EFCAB6: variants seen among roughly 807,000 people sequenced by gnomAD.
The protein encoded by EFCAB6 is EF-hand calcium binding domain 6, also known as EF-hand calcium-binding domain-containing protein 6.
A neutral mutation model predicts 169.8 loss-of-function variants in EFCAB6; 156 were observed. That is an observed-to-expected ratio of 0.92 (90% CI 0.81 to 1.05). The LOEUF is 1.05. Among genes scored for constraint, EFCAB6 ranks in the 50% least tolerant of loss-of-function variants. The pLI, the probability that EFCAB6 is intolerant of heterozygous loss-of-function variation, is 0.00. For missense variants in EFCAB6, 1,800 were observed against 1,829.1 expected, an observed-to-expected ratio of 0.98 and a Z score of 0.29; for synonymous variants, 698 against 676.4, an observed-to-expected ratio of 1.03 and a Z score of -0.50.
At chr22:43,600,380 A>T (rs775154835) in intron 22 of EFCAB6, 117 bp from the exon 23 acceptor site, 2 of 1,061,664 alleles carry the variant, frequency 1.9e-6, no homozygotes, top group Non-Finnish European at 2.7e-6. Flanking sequence ...ATCCCTCACC[A>T]CTCGGAGCAT....
intron 25 of EFCAB6, among the ~76,000 whole-genome samples, chr22:43,578,496 A>G (rs749811921): frequency 1.5e-4 from 23 of 152,036 alleles, no homozygotes; most frequent in Non-Finnish European, 2.8e-4. Flanking sequence ...TGCCCTCTGC[A>G]GAAAGCATCT....
intron 10 of EFCAB6, among the ~76,000 whole-genome samples, chr22:43,700,054 T>C (rs2058711577): frequency 6.6e-6 from 1 of 152,218 alleles, no homozygotes; most frequent in African/African-American, 2.4e-5. Flanking sequence ...TTTTAACAGA[T>C]TTATTTTATA....
At chr22:43,772,576 G>C (rs1216230499) in intron 4 of EFCAB6, among the ~76,000 whole-genome samples, 10 of 150,944 alleles carry the variant, frequency 6.6e-5, no homozygotes, top group Admixed American at 4.6e-4. Flanking sequence ...GGGAGGCGGA[G>C]GTTGCGGTGA....
At chr22:43,762,845 C>T (rs1399622216) in intron 5 of EFCAB6, among the ~76,000 whole-genome samples, 1 of 152,192 alleles carries the variant, frequency 6.6e-6, no homozygotes, top group Admixed American at 6.5e-5. Context: ...ACTGTCCACC[C>T]AAGAACTTTA....
At position 43,670,228 on chromosome 22, in the gene EFCAB6, A is replaced by G. The variant is rs187858491; in HGVS notation, c.1641-1183T>C. 2.0e-5 allele frequency among the ~76,000 whole-genome samples: 3 copies of G among 152,344 alleles called. No homozygotes were observed. The East Asian group carries it at 5.8e-4, about 29-fold the overall frequency. On this transcript the variant is annotated intron_variant, in intron 15 of 31. Coordinates refer to ENST00000262726, the MANE Select transcript of EFCAB6 (RefSeq NM_022785.4). ...GCACAGCAAGTACACTTGTTTCTGC[A>G]ATGACACTTTAAAAATGTCTCAGTT... is the stretch of plus-strand genomic sequence containing the variant.
intron 5 of EFCAB6, among the ~76,000 whole-genome samples, chr22:43,764,439 T>C (rs182781104): frequency 5.6e-4 from 85 of 152,350 alleles, no homozygotes; most frequent in African/African-American, 2.0e-3. Flanking sequence ...AATCCACCAT[T>C]GGTAGGCACC....
In EFCAB6 at chr22:43,773,042, T is replaced by C. The variant is rs1384712400; in HGVS notation, c.201A>G (p.Lys67=). ...SLDVKRILFQ[K]ITDRGDELQK... ...GCAACTCATCCCCTCTGTCGGTAAT[T>C]TTTTGAAATAAAATCCGTTTAACAT... Residue 67 remains lysine (K), a synonymous_variant, in exon 4 of 32, where the codon AAA becomes AAG. Transcript: ENST00000262726. 1 of 1,614,250 alleles carries C rather than the reference T, an allele frequency of 6.2e-7. No homozygotes were observed. Among genetic ancestry groups the C allele is most frequent in the Non-Finnish European group, 8.5e-7 (1 of 1,180,050 alleles).
At chr22:43,671,608 T>C (rs928365907) in intron 15 of EFCAB6, among the ~76,000 whole-genome samples, 2 of 152,186 alleles carry the variant, frequency 1.3e-5, no homozygotes, top group Non-Finnish European at 2.9e-5. Flanking sequence ...AAAGGAGAGA[T>C]ATTTGCTTGC....
intron 6 of EFCAB6, among the ~76,000 whole-genome samples, chr22:43,750,912 C>A (rs979373299): frequency 1.3e-5 from 2 of 152,210 alleles, no homozygotes; most frequent in Admixed American, 6.5e-5. Flanking sequence ...TCTGAAATGA[C>A]TATCTCCACA....
At chr22:43,749,017 C>A (rs1407609524) in intron 6 of EFCAB6, among the ~76,000 whole-genome samples, 1 of 152,132 alleles carries the variant, frequency 6.6e-6, no homozygotes, top group Non-Finnish European at 1.5e-5. Context: ...GAGTCACTGA[C>A]AAAGCACAGG....
Position 43,619,948 on chromosome 22 carries a change from C to G in EFCAB6, c.2466-4026G>C, listed in dbSNP as rs557395048. Among the ~76,000 whole-genome samples, 17 of 152,100 alleles carry G rather than the reference C, an allele frequency of 1.1e-4. No individual in the cohort carries two copies. In the East Asian group the frequency reaches 3.3e-3, roughly 29 times the overall value. The stretch of plus-strand genomic sequence containing the variant: ...AAAACAAACAAAAACCACCAAAAAA[C>G]CCATGGTCAAACAAATCAAATCATA... On this transcript the variant is annotated intron_variant, in intron 20 of 31. Coordinates refer to ENST00000262726, the MANE Select transcript of EFCAB6 (RefSeq NM_022785.4).
chr22:43,786,526 C>T (rs1329437296), intron 2 of EFCAB6, among the ~76,000 whole-genome samples: 2 of 151,790 alleles, frequency 1.3e-5, no homozygotes, highest in African/African-American at 4.8e-5. Flanking sequence ...TCAAGACCAT[C>T]CTGGCTAACA....
intron 3 of EFCAB6, among the ~76,000 whole-genome samples, chr22:43,773,612 C>T: frequency 6.6e-6 from 1 of 152,196 alleles, no homozygotes; most frequent in East Asian, 1.9e-4. Context: ...CTTTGGGAGG[C>T]CGAGGCAGGC....
intron 6 of EFCAB6, among the ~76,000 whole-genome samples, chr22:43,752,274 T>C (rs1569469796): frequency 1.3e-5 from 2 of 152,094 alleles, no homozygotes; most frequent in Non-Finnish European, 2.9e-5. Context: ...TGCGCCACCA[T>C]GCCCAGTTAA....
At chr22:43,640,558 C>T (rs1259844364) in intron 17 of EFCAB6, among the ~76,000 whole-genome samples, 2 of 152,166 alleles carry the variant, frequency 1.3e-5, no homozygotes, top group African/African-American at 4.8e-5. Context: ...CCCCTTTCTC[C>T]ATCCCCATCT....
intron 22 of EFCAB6, among the ~76,000 whole-genome samples, chr22:43,601,518 T>A (rs2052522258): frequency 6.6e-6 from 1 of 152,162 alleles, no homozygotes; most frequent in South Asian, 2.1e-4. Context: ...TCTGATGGAG[T>A]AGAAGTACAA....
intron 13 of EFCAB6, 116 bp from the exon 14 acceptor site, chr22:43,672,421 T>C (rs1216869384): frequency 2.8e-6 from 3 of 1,074,084 alleles, no homozygotes; most frequent in Middle Eastern, 2.5e-4. Flanking sequence ...AGCCATTAGC[T>C]TTGAGACCTT....
At chr22:43,806,070 G>T (rs982794888) in intron 2 of EFCAB6, among the ~76,000 whole-genome samples, 6 of 151,596 alleles carry the variant, frequency 4.0e-5, no homozygotes, top group Admixed American at 3.3e-4. Context: ...GGAGGCTAAG[G>T]TACAAGAATC....
intron 10 of EFCAB6, among the ~76,000 whole-genome samples, chr22:43,689,213 G>C (rs956728565): frequency 6.6e-6 from 1 of 151,928 alleles, no homozygotes; most frequent in East Asian, 1.9e-4. Context: ...TTTGCGGGGG[G>C]GCGCAGGGCC....
Sources: gnomAD v4.1 joint callset for allele counts (sites outside exome capture counted in the v4.1 genomes callset) on GRCh38, gnomAD v4.1.1 for gene constraint, MANE v1.5 for transcripts, NCBI Gene and HGNC (gene_info 2026-07-23, HGNC 2026-07-21) for gene names.